PTGER4: variants seen among roughly 807,000 people sequenced by gnomAD.
The protein encoded by PTGER4 is prostaglandin E2 receptor EP4 subtype.
Under a neutral mutation model 33.2 loss-of-function variants are expected in PTGER4, and 11 were observed. That is an observed-to-expected ratio of 0.33 (90% CI 0.21 to 0.55). The LOEUF (loss-of-function observed/expected upper bound fraction) is 0.55. PTGER4 is among the 20% of genes least tolerant of loss of function. The probability of loss-of-function intolerance (pLI) is 0.92; values close to 1 mark genes in which losing one functional copy is unlikely to be tolerated. For missense variants in PTGER4, 481 were observed against 650.2 expected, an observed-to-expected ratio of 0.74 and a Z score of 2.83; for synonymous variants, 275 against 281.5, an observed-to-expected ratio of 0.98 and a Z score of 0.23.
intron 2 of PTGER4, among the ~76,000 whole-genome samples, chr5:40,686,748 A>T (rs899722736): frequency 1.1e-4 from 17 of 152,186 alleles, no homozygotes; most frequent in Non-Finnish European, 2.4e-4. Flanking sequence ...TTTAAAAAAA[A>T]TTAGGTGGGT....
chr5:40,737,007 C>G, the PTGER4 span, among the ~76,000 whole-genome samples: 1 of 151,984 alleles, frequency 6.6e-6, no homozygotes. Context: ...ATTTAAAAGC[C>G]ACTCAAGGTT....
chr5:40,732,913 T>C, the PTGER4 span, among the ~76,000 whole-genome samples: 7 of 152,204 alleles, frequency 4.6e-5, 1 homozygote, highest in South Asian at 1.2e-3. Context: ...CGGCCTAATA[T>C]AACAGATTCT....
chr5:40,730,122 A>C, the PTGER4 span: 8 of 621,258 alleles, frequency 1.3e-5, no homozygotes, highest in South Asian at 1.6e-4. Flanking sequence ...ACCATAAATA[A>C]TGGTGAAATA....
the PTGER4 span, among the ~76,000 whole-genome samples, chr5:40,702,566 GA>G: frequency 6.6e-6 from 1 of 152,178 alleles, no homozygotes; most frequent in African/African-American, 2.4e-5. Flanking sequence ...ATAATAGTGA[GA>G]GACTTCAACA....
At chr5:40,716,480 C>T in the PTGER4 span, 1 of 1,588,154 alleles carries the variant, frequency 6.3e-7, no homozygotes, top group East Asian at 2.2e-5. Flanking sequence ...TGAAGGGCTA[C>T]TTGAAAACTT....
At chr5:40,684,288 T>C (rs1018528185) in intron 2 of PTGER4, among the ~76,000 whole-genome samples, 3 of 152,204 alleles carry the variant, frequency 2.0e-5, no homozygotes, top group African/African-American at 7.2e-5. Context: ...GCAGTTGAGC[T>C]TATCTTCAGT....
At chr5:40,697,226 A>AAAATAAAG (rs1554024592), downstream of PTGER4, among the ~76,000 whole-genome samples, 29 of 112,566 alleles carry the variant, frequency 2.6e-4, no homozygotes, top group Non-Finnish European at 3.6e-5. Context: ...AAGAAAGAAG[A>AAAATAAAG]AAAGAAAGAA....
the PTGER4 span, among the ~76,000 whole-genome samples, chr5:40,720,900 G>A: frequency 5.3e-5 from 8 of 152,246 alleles, no homozygotes; most frequent in East Asian, 3.9e-4. Flanking sequence ...CAACTTCTAC[G>A]GTGGCTACAA....
chr5:40,701,283 C>T, the PTGER4 span, among the ~76,000 whole-genome samples: 1 of 152,252 alleles, frequency 6.6e-6, no homozygotes, highest in Admixed American at 6.5e-5. Flanking sequence ...ATAAGAATCA[C>T]AATAAAGTGA....
the PTGER4 span, among the ~76,000 whole-genome samples, chr5:40,734,055 G>A: frequency 6.6e-6 from 1 of 152,190 alleles, no homozygotes; most frequent in African/African-American, 2.4e-5. Context: ...TGTTGCCAAC[G>A]AGGCCTATAA....
chr5:40,734,512 G>C, the PTGER4 span, among the ~76,000 whole-genome samples: 1 of 152,130 alleles, frequency 6.6e-6, no homozygotes, highest in South Asian at 2.1e-4. Context: ...ACTACAACAG[G>C]GCAGGATGAG....
chr5:40,703,835 G>A, the PTGER4 span, among the ~76,000 whole-genome samples: 89 of 139,716 alleles, frequency 6.4e-4, no homozygotes, highest in African/African-American at 2.1e-3. Context: ...CCCGGGAAGC[G>A]GAGGTTGCAG....
chr5:40,730,198 G>T, the PTGER4 span: 1 of 1,242,866 alleles, frequency 8.0e-7, no homozygotes, highest in Non-Finnish European at 1.1e-6. Context: ...CTTCATCATT[G>T]CTCACTCACC....
At chr5:40,714,961 T>C in the PTGER4 span, 1 of 152,010 alleles carries the variant, frequency 6.6e-6, no homozygotes, top group East Asian at 1.9e-4. Flanking sequence ...AGTATAAAAA[T>C]AATAGTTCAG....
chr5:40,715,843 A>G, the PTGER4 span: 2 of 258,468 alleles, frequency 7.7e-6, no homozygotes, highest in Non-Finnish European at 1.5e-5. Flanking sequence ...ACTATTCAAG[A>G]ATACATTTTT....
At chr5:40,730,272 A>T in the PTGER4 span, 1 of 1,598,038 alleles carries the variant, frequency 6.3e-7, no homozygotes, top group South Asian at 1.1e-5. Flanking sequence ...CTGTGATTTC[A>T]TCTCGTATAG....
Position 40,681,479 on chromosome 5 carries a change from G to T in PTGER4, c.486G>T (p.Arg162=). The change falls in exon 2 of 3, where the codon CGG becomes CGT. Residue 162 remains arginine, a synonymous_variant. Coordinates refer to ENST00000302472, the MANE Select transcript of PTGER4 (RefSeq NM_000958.3). This position sits in a 1 kb window ranked among gnomAD's most constrained non-coding sequence, Gnocchi z 9.8. ...ALPNMGLGSS[R]LQYPDTWCFI... ...CCAACATGGGTCTCGGTAGCTCGCG[G>T]CTGCAGTACCCAGACACCTGGTGCT... 6.2e-7 allele frequency: 1 copy of T among 1,613,536 alleles called. No homozygotes were observed. Among genetic ancestry groups the T allele is most frequent in the Non-Finnish European group, 8.5e-7 (1 of 1,180,034 alleles).
the PTGER4 span, among the ~76,000 whole-genome samples, chr5:40,709,714 C>T: frequency 6.6e-6 from 1 of 152,150 alleles, no homozygotes; most frequent in Admixed American, 6.5e-5. Flanking sequence ...AAAAAAGAGC[C>T]CACATTGCCA....
At chr5:40,720,175 CT>C in the PTGER4 span, among the ~76,000 whole-genome samples, 66 of 152,170 alleles carry the variant, frequency 4.3e-4, no homozygotes, top group Middle Eastern at 3.4e-3. Flanking sequence ...TTTTATAATA[CT>C]TTTAGTTCTT....
Sources: allele counts gnomAD v4.1 joint callset (sites outside exome capture counted in the v4.1 genomes callset), GRCh38; gene constraint gnomAD v4.1.1; non-coding constraint Gnocchi (gnomAD v3.1); transcripts MANE v1.5; gene names NCBI Gene and HGNC (gene_info 2026-07-23, HGNC 2026-07-21).